Variants in SAMD12 observed in about 807,000 individuals in gnomAD.
SAMD12 encodes sterile alpha motif domain containing 12.
SAMD12 carries 9 observed loss-of-function variants against 15.0 expected under a neutral mutation model. The observed-to-expected ratio is 0.60, with a 90% CI of 0.36 to 1.05. The LOEUF (loss-of-function observed/expected upper bound fraction) is 1.05, where lower values mean the gene tolerates loss of function less well. Among genes scored for constraint, SAMD12 ranks in the 50% least tolerant of loss-of-function variants. The pLI is 0.01. For missense variants in SAMD12, 230 were observed against 234.2 expected, an observed-to-expected ratio of 0.98 and a Z score of 0.12; for synonymous variants, 86 against 90.1, an observed-to-expected ratio of 0.96 and a Z score of 0.25.
At chr8:118,286,712 G>C (rs1028529488) in intron 4 of SAMD12, among the ~76,000 whole-genome samples, 1 of 152,178 alleles carries the variant, frequency 6.6e-6, no homozygotes, top group African/African-American at 2.4e-5. Flanking sequence ...AGCTGGATTC[G>C]TGTCTCTCCA....
chr8:118,386,997 A>G (rs1385914821), intron 3 of SAMD12, among the ~76,000 whole-genome samples: 2 of 152,190 alleles, frequency 1.3e-5, no homozygotes. Context: ...TTCCCCAAAT[A>G]AATGGCCCTT....
At chr8:118,261,825 C>G (rs1813084404) in intron 4 of SAMD12, among the ~76,000 whole-genome samples, 1 of 151,766 alleles carries the variant, frequency 6.6e-6, no homozygotes, top group Non-Finnish European at 1.5e-5. Flanking sequence ...CAGAGCTGAA[C>G]CTGGTGGAGT....
At chr8:118,280,068 G>C (rs912842760) in intron 4 of SAMD12, among the ~76,000 whole-genome samples, 2 of 152,182 alleles carry the variant, frequency 1.3e-5, no homozygotes, top group Non-Finnish European at 2.9e-5. Flanking sequence ...AGCTTTTGGT[G>C]GTGGTGATGT....
chr8:118,609,933 G>A (rs1354531943), intron 1 of SAMD12, among the ~76,000 whole-genome samples: 2 of 152,260 alleles, frequency 1.3e-5, no homozygotes, highest in South Asian at 2.1e-4. Context: ...CTGTTTTGCC[G>A]TGACACATAT....
At chr8:118,157,005 A>G in the SAMD12 span, among the ~76,000 whole-genome samples, 2 of 152,232 alleles carry the variant, frequency 1.3e-5, no homozygotes. Context: ...CACAGGCAAT[A>G]ATACACAGCC....
At chr8:118,370,015 A>G (rs1030973647) in intron 4 of SAMD12, among the ~76,000 whole-genome samples, 2 of 152,172 alleles carry the variant, frequency 1.3e-5, no homozygotes, top group Non-Finnish European at 2.9e-5. Flanking sequence ...CGACGTATCC[A>G]TCTGACCAAG....
downstream of SAMD12, among the ~76,000 whole-genome samples, chr8:118,374,615 C>T (rs780864565): frequency 1.3e-5 from 2 of 152,024 alleles, no homozygotes; most frequent in African/African-American, 2.4e-5. Context: ...ACAGGGGATC[C>T]AATTTCTCTA....
chr8:118,490,459 A>G (rs1824411610), intron 2 of SAMD12, among the ~76,000 whole-genome samples: 1 of 152,222 alleles, frequency 6.6e-6, no homozygotes, highest in African/African-American at 2.4e-5. Flanking sequence ...AAATGTGAAT[A>G]AAGTTTTTGT....
At chr8:118,382,838 T>C (rs2130723333) in intron 3 of SAMD12, among the ~76,000 whole-genome samples, 1 of 152,358 alleles carries the variant, frequency 6.6e-6, no homozygotes, top group South Asian at 2.1e-4. Context: ...AAAATTTATT[T>C]TAAAATTTCC....
At chr8:118,323,484 G>A (rs1029072208) in intron 4 of SAMD12, among the ~76,000 whole-genome samples, 3 of 152,094 alleles carry the variant, frequency 2.0e-5, no homozygotes, top group Non-Finnish European at 2.9e-5. Context: ...AATCTACACC[G>A]AACGTGGTGG....
chr8:118,239,887 C>CG (rs1812527210), intron 4 of SAMD12: 1 of 152,138 alleles, frequency 6.6e-6, no homozygotes, highest in Non-Finnish European at 1.5e-5. Flanking sequence ...TCCATTACAG[C>CG]GGGGCTTTCC....
At chr8:118,222,991 C>A (rs1410976557) in intron 4 of SAMD12, among the ~76,000 whole-genome samples, 1 of 152,058 alleles carries the variant, frequency 6.6e-6, no homozygotes, top group Non-Finnish European at 1.5e-5. Flanking sequence ...GGGCCAGCAG[C>A]CTCGAGAATG....
intron 1 of SAMD12, among the ~76,000 whole-genome samples, chr8:118,610,547 A>G (rs1828084569): frequency 6.6e-6 from 1 of 152,246 alleles, no homozygotes; most frequent in Admixed American, 6.5e-5. Flanking sequence ...AAAAACTCAT[A>G]GAGCTCACTG....
chr8:118,320,335 G>A lies in SAMD12; in HGVS notation c.433+59225C>T, dbSNP rs566573188. ...CTAGAAATCTAGCTTTGTGAGAAAG[G>A]AGGGCAAAAGCTTAAATATAGAAAG... On this transcript the variant is annotated intron_variant, in intron 4 of 4. Coordinates refer to the SAMD12 transcript ENST00000409003. Among the ~76,000 whole-genome samples the A allele has an allele frequency of 4.1e-4, 62 of 152,242 alleles. No homozygotes were observed. In the South Asian group the frequency reaches 0.013, roughly 32 times the overall value.
intron 2 of SAMD12, among the ~76,000 whole-genome samples, chr8:118,576,597 T>A (rs1469419692): frequency 6.6e-5 from 10 of 152,162 alleles, no homozygotes; most frequent in Non-Finnish European, 4.4e-5. Flanking sequence ...TAGAGTACCC[T>A]CCCTTGCAAG....
chr8:118,161,772 A>G, the SAMD12 span, among the ~76,000 whole-genome samples: 832 of 152,064 alleles, frequency 5.5e-3, 11 homozygotes, highest in African/African-American at 0.019. Flanking sequence ...AAATATTTAA[A>G]CAGACATGTC....
chr8:118,333,994 T>G (rs556817554), intron 4 of SAMD12, among the ~76,000 whole-genome samples: 5 of 151,622 alleles, frequency 3.3e-5, no homozygotes, highest in Admixed American at 6.6e-5. Context: ...TGTGTGTGTG[T>G]GGGAGGGGAG....
intron 4 of SAMD12, among the ~76,000 whole-genome samples, chr8:118,318,561 C>T (rs914845116): frequency 6.6e-6 from 1 of 151,514 alleles, no homozygotes; most frequent in Non-Finnish European, 1.5e-5. Flanking sequence ...ACTTTGGAGA[C>T]TCAGGATAGT....
intron 2 of SAMD12, among the ~76,000 whole-genome samples, chr8:118,454,996 C>T (rs1406783873): frequency 1.3e-5 from 2 of 152,172 alleles, no homozygotes; most frequent in African/African-American, 4.8e-5. Context: ...AATAACATTG[C>T]CTGGTTTCTC....
Sources: allele counts gnomAD v4.1 joint callset (sites outside exome capture counted in the v4.1 genomes callset), GRCh38; gene constraint gnomAD v4.1.1; transcripts MANE v1.5; gene names NCBI Gene and HGNC (gene_info 2026-07-23, HGNC 2026-07-21).